ALKBH5: variants seen among roughly 807,000 people sequenced by gnomAD.
The protein encoded by ALKBH5 is alkB homolog 5, RNA demethylase, also known as RNA demethylase ALKBH5.
In ALKBH5, 2 loss-of-function variants were observed where a neutral mutation model predicts 32.1. That is an observed-to-expected ratio of 0.06 (90% CI 0.03 to 0.20). The LOEUF is 0.20. Ranked by LOEUF, ALKBH5 falls within the 10% of genes least tolerant of loss-of-function variation. The pLI, the probability that ALKBH5 is intolerant of heterozygous loss-of-function variation, is 1.00. For missense variants in ALKBH5, 352 were observed against 559.5 expected (o/e 0.63, Z 3.74); for synonymous variants, 300 against 231.7 (o/e 1.29, Z -2.68).
intron 1 of ALKBH5, among the ~76,000 whole-genome samples, chr17:18,188,966 C>CT (rs2142470591): frequency 6.6e-6 from 1 of 152,254 alleles, no homozygotes; most frequent in South Asian, 2.1e-4. Flanking sequence ...ACTCAGGAGG[C>CT]TGAGGCAGGA....
chr17:18,194,751 T>G (rs766487913), intron 1 of ALKBH5, among the ~76,000 whole-genome samples: 14 of 152,172 alleles, frequency 9.2e-5, no homozygotes, highest in Non-Finnish European at 1.9e-4. Flanking sequence ...TCATACCAGG[T>G]TTTTCCTTGA....
rs1023750539 is a variant in ALKBH5, at chr17:18,184,680, A to G, written c.437A>G (p.Gln146Arg). 1 of 1,612,738 alleles carries G rather than the reference A, an allele frequency of 6.2e-7. No individual in the cohort carries two copies. The highest frequency in any genetic ancestry group is 1.1e-5 in the South Asian group (1 of 91,066). ...GGCTACACTTACGGCGCCCAGCTGC[A>G]GAAGCGCGGGCCCGGCCAGGAGCGC... Reference protein sequence around the residue: ...GEGYTYGAQLQKRGPGQERLY... With the variant: ...GEGYTYGAQLRKRGPGQERLY... The change falls in exon 1 of 4, where the codon CAG becomes CGG. Residue 146 changes from glutamine to arginine, a missense_variant. By Grantham distance (43) the Gln-to-Arg change is conservative. This residue lies in a region of ALKBH5 where 56 missense variants were observed against 238.1 expected (regional missense o/e 0.24). Transcript: ENST00000399138.
Position 18,197,694 on chromosome 17 carries a change from G to A in ALKBH5, c.851+2659G>A, listed in dbSNP as rs145196182. On this transcript the variant is annotated intron_variant, in intron 2 of 3. Coordinates refer to ENST00000399138, the MANE Select transcript of ALKBH5 (RefSeq NM_017758.4). ...CTCAGCACAGCTAGGAGTCTGCACCGTTAATCAGCTCCCTGGGAAGCTTTT... is the reference window on the plus strand; with the variant it reads ...CTCAGCACAGCTAGGAGTCTGCACCATTAATCAGCTCCCTGGGAAGCTTTT... 5.9e-5 allele frequency among the ~76,000 whole-genome samples: 9 copies of A among 152,316 alleles called. No individual in the cohort carries two copies. In the East Asian group the frequency reaches 7.7e-4, roughly 13 times the overall value.
At chr17:18,201,898 C>G (rs765618116) in intron 2 of ALKBH5, among the ~76,000 whole-genome samples, 2 of 151,918 alleles carry the variant, frequency 1.3e-5, no homozygotes, top group African/African-American at 4.8e-5. Flanking sequence ...ACCTATAGTC[C>G]GAGCTACTCG....
rs202130517 is a variant in ALKBH5 at position 18,189,545 on chromosome 17, G to GC, written c.770+4537dup. Among the ~76,000 whole-genome samples the GC allele has an allele frequency of 4.0e-3, 602 of 152,260 alleles. 4 individuals are homozygous for GC. Among genetic ancestry groups the GC allele is most frequent in the Middle Eastern group, 0.02 (6 of 294 alleles). ...TGTGCCCTTTGGTGAGGCCAGCAAG[G>GC]CCCCCTGGACAGGCTTGCTACCAGG... is the stretch of plus-strand genomic sequence containing the variant. On this transcript the variant is annotated intron_variant, in intron 1 of 3. Coordinates refer to ENST00000399138, the MANE Select transcript of ALKBH5 (RefSeq NM_017758.4).
Position 18,184,127 on chromosome 17 carries a change from T to TG in ALKBH5, c.-112dup. Reference sequence around the variant, plus strand: ...CCCCGCCGGGTCCCCCACTCACGCATGGGGGTTCGGCGCTAAGGACCCCCC... The same window carrying TG: ...CCCCGCCGGGTCCCCCACTCACGCATGGGGGGTTCGGCGCTAAGGACCCCCC... On this transcript the variant is annotated 5_prime_UTR_variant, in exon 1 of 4. An upstream open reading frame in the 5' UTR loses its in-frame stop. Coordinates refer to ENST00000399138, the MANE Select transcript of ALKBH5 (RefSeq NM_017758.4). 1.1e-6 allele frequency: 1 copy of TG among 928,714 alleles called. No homozygotes were observed. The highest frequency in any genetic ancestry group is 1.6e-6 in the Non-Finnish European group (1 of 617,708). The allele number at this position is 928,714 out of a possible 1,614,324, so 57.5% of individuals were successfully genotyped here. A position where few individuals can be genotyped will look rare whatever the true frequency, so the allele number is the denominator to read the frequency against.
At chr17:18,186,603 C>G (rs778662537) in intron 1 of ALKBH5, among the ~76,000 whole-genome samples, 1 of 152,148 alleles carries the variant, frequency 6.6e-6, no homozygotes. Context: ...CATGCCCACC[C>G]TGTATTTTAA....
At chr17:18,207,718 T>C (rs934776642) in intron 3 of ALKBH5, among the ~76,000 whole-genome samples, 4 of 152,018 alleles carry the variant, frequency 2.6e-5, no homozygotes, top group African/African-American at 9.7e-5. Flanking sequence ...GAGGTAATGT[T>C]TAAGTTGATT....
intron 2 of ALKBH5, among the ~76,000 whole-genome samples, chr17:18,201,786 G>GATA (rs200689873): frequency 0.019 from 1,577 of 83,994 alleles, 34 homozygotes; most frequent in East Asian, 0.066. Flanking sequence ...TAGATAGATA[G>GATA]GATAGATAAG....
intron 2 of ALKBH5, among the ~76,000 whole-genome samples, chr17:18,200,126 T>TA (rs965649407): frequency 1.3e-5 from 2 of 150,868 alleles, no homozygotes; most frequent in African/African-American, 4.9e-5. Flanking sequence ...TTTTTTTTTT[T>TA]AAATTACATC....
chr17:18,189,683 A>G (rs1218249685), intron 1 of ALKBH5, among the ~76,000 whole-genome samples: 1 of 152,236 alleles, frequency 6.6e-6, no homozygotes, highest in Non-Finnish European at 1.5e-5. Context: ...CTTCGGGGAA[A>G]TTAAGCTTTT....
rs2047281425 is a variant in ALKBH5, at chr17:18,208,252, C to T, written c.1041C>T (p.Asn347=). 2 of 1,612,750 alleles carry T rather than the reference C, an allele frequency of 1.2e-6. No homozygotes were observed. The highest frequency in any genetic ancestry group is 8.5e-7 in the Non-Finnish European group (1 of 1,179,370). Residue 347 remains asparagine (N), a synonymous_variant, in exon 4 of 4, where the codon AAC becomes AAT. Transcript: ENST00000399138. ...TCCTGGAGATGGACAAGGAAGAGAA[C>T]CGGCGCTCGGTGCTGCTGCCCACAC... The part of the protein sequence containing the change: ...PRILEMDKEE[N]RRSVLLPTHR...
At chr17:18,185,911 A>G (rs928958280) in intron 1 of ALKBH5, among the ~76,000 whole-genome samples, 5 of 152,188 alleles carry the variant, frequency 3.3e-5, no homozygotes, top group Non-Finnish European at 7.3e-5. Context: ...AGTAATACCC[A>G]AAACATCTTA....
chr17:18,201,119 G>A (rs78730854), intron 2 of ALKBH5, among the ~76,000 whole-genome samples: 9,262 of 152,278 alleles, frequency 0.061, 402 homozygotes, highest in Non-Finnish European at 0.094. Flanking sequence ...TCTGGACCTC[G>A]TTCCTCAGCA....
Position 18,184,262 on chromosome 17 carries a change from T to A in ALKBH5, c.19T>A (p.Tyr7Asn). ...GGGGGCCATGGCGGCCGCCAGCGGC[T>A]ACACGGACCTGCGTGAGAAGCTCAA... MAAASG[Y>N]TDLREKLKSM... The change falls in exon 1 of 4, where the codon TAC becomes AAC. Residue 7 changes from tyrosine to asparagine, a missense_variant. By Grantham distance (143) the Tyr-to-Asn change is moderately radical. Coordinates refer to ENST00000399138, the MANE Select transcript of ALKBH5 (RefSeq NM_017758.4). 1 of 1,520,472 alleles carries A rather than the reference T, an allele frequency of 6.6e-7. No individual in the cohort carries two copies. The highest frequency in any genetic ancestry group is 8.8e-7 in the Non-Finnish European group (1 of 1,138,390). The allele number at this position is 1,520,472 out of a possible 1,614,324, so 94.2% of individuals were successfully genotyped here. A position where few individuals can be genotyped will look rare whatever the true frequency, so the allele number is the denominator to read the frequency against.
chr17:18,202,900 C>G (rs11654177), intron 2 of ALKBH5, among the ~76,000 whole-genome samples: 1 of 151,590 alleles, frequency 6.6e-6, no homozygotes, highest in Non-Finnish European at 1.5e-5. Flanking sequence ...ATGGTGAAAC[C>G]CTGTCCCTAC....
rs1031392168 is a variant in ALKBH5, at chr17:18,183,863, G to T, written c.-381G>T. ...CTAAGGAGCGGCGCTGGCGGACGTC[G>T]GGCTGGCTGCCCGTGACGTCGTGCG... On this transcript the variant is annotated 5_prime_UTR_variant, in exon 1 of 4. Transcript: ENST00000399138. 2.9e-6 allele frequency: 1 copy of T among 349,456 alleles called. No homozygotes were observed. The highest frequency in any genetic ancestry group is 5.4e-6 in the Non-Finnish European group (1 of 184,022). 21.6% of individuals were successfully genotyped at this position (349,456 alleles called of 1,614,324 possible).
chr17:18,192,543 C>T (rs1190005048), intron 1 of ALKBH5, among the ~76,000 whole-genome samples: 1 of 152,216 alleles, frequency 6.6e-6, no homozygotes, highest in Admixed American at 6.5e-5. Flanking sequence ...CTCCTTATTA[C>T]AGATGAAGAA....
At chr17:18,197,509 A>G (rs1218914863) in intron 2 of ALKBH5, among the ~76,000 whole-genome samples, 2 of 152,332 alleles carry the variant, frequency 1.3e-5, no homozygotes, top group East Asian at 3.9e-4. Context: ...ACTTCCCAAG[A>G]GTTCCTCTCA....
Sources: gnomAD v4.1 joint callset for allele counts (sites outside exome capture counted in the v4.1 genomes callset) on GRCh38, gnomAD v4.1.1 for gene constraint, gnomAD v4.1.1 regional missense constraint, MANE v1.5 for transcripts, NCBI Gene and HGNC (gene_info 2026-07-23, HGNC 2026-07-21) for gene names.